Variants in UGT1A10 observed in about 807,000 individuals in gnomAD.
UGT1A10 encodes the protein UDP-glucuronosyltransferase 1A10.
In UGT1A10, 49 loss-of-function variants were observed where a neutral mutation model predicts 45.8. The ratio of observed to expected loss-of-function variants is 1.07; its 90% CI spans 0.85 to 1.36. The LOEUF (loss-of-function observed/expected upper bound fraction) is 1.36. Among genes scored for constraint, UGT1A10 ranks in the 40% most tolerant of loss-of-function variants. UGT1A10 has a pLI of 0.00. For synonymous variants in UGT1A10, 284 were observed against 249.7 expected (o/e 1.14, Z -1.29); for missense variants, 745 against 668.6 (o/e 1.11, Z -1.26).
At chr2:233,730,895 C>G (rs909746979) in intron 1 of UGT1A10, among the ~76,000 whole-genome samples, 5 of 152,098 alleles carry the variant, frequency 3.3e-5, no homozygotes, top group African/African-American at 1.2e-4. Flanking sequence ...GGGATCTACT[C>G]CTTTACCAAA....
At chr2:233,637,971 T>C (rs2073346009) in intron 1 of UGT1A10, among the ~76,000 whole-genome samples, 1 of 152,082 alleles carries the variant, frequency 6.6e-6, no homozygotes, top group South Asian at 2.1e-4. Context: ...TTAATATTGA[T>C]ATATATATAG....
At chr2:233,676,936 T>C (rs1162328474) in intron 1 of UGT1A10, among the ~76,000 whole-genome samples, 1 of 152,248 alleles carries the variant, frequency 6.6e-6, no homozygotes, top group African/African-American at 2.4e-5. Flanking sequence ...TTGATCTATT[T>C]GTGAAATATT....
chr2:233,698,753 A>G (rs887164106), intron 1 of UGT1A10, among the ~76,000 whole-genome samples: 4 of 152,244 alleles, frequency 2.6e-5, no homozygotes, highest in African/African-American at 7.2e-5. Context: ...ACATAATGCT[A>G]TGATTCAGAA....
chr2:233,677,055 T>TA (rs1479712417), intron 1 of UGT1A10, among the ~76,000 whole-genome samples: 2 of 152,334 alleles, frequency 1.3e-5, no homozygotes, highest in South Asian at 4.1e-4. Flanking sequence ...ATATGCATTT[T>TA]AAAATAAGTT....
intron 1 of UGT1A10, among the ~76,000 whole-genome samples, chr2:233,653,624 T>A (rs2073789285): frequency 6.6e-6 from 1 of 152,120 alleles, no homozygotes; most frequent in African/African-American, 2.4e-5. Context: ...TGAGACAGAG[T>A]CTCGCTGTGT....
At chr2:233,673,888 T>C (rs894108920) in intron 1 of UGT1A10, among the ~76,000 whole-genome samples, 2 of 152,234 alleles carry the variant, frequency 1.3e-5, no homozygotes, top group African/African-American at 4.8e-5. Context: ...CTGATATTTA[T>C]ACCACTTATT....
chr2:233,693,220 C>T (rs781113205), intron 1 of UGT1A10: 1 of 1,614,172 alleles, frequency 6.2e-7, no homozygotes, highest in South Asian at 1.1e-5. Flanking sequence ...AATCCAAATA[C>T]TACACAAGAA....
intron 2 of UGT1A10, 51 bp from the exon 3 acceptor site, chr2:233,767,798 C>G (rs1319499928): frequency 6.2e-7 from 1 of 1,614,062 alleles, no homozygotes; most frequent in Admixed American, 1.7e-5. Context: ...GATTTGTTTT[C>G]TAATCATATT....
At chr2:233,697,299 A>G (rs570191835) in intron 1 of UGT1A10, among the ~76,000 whole-genome samples, 2 of 152,014 alleles carry the variant, frequency 1.3e-5, no homozygotes, top group African/African-American at 4.8e-5. Flanking sequence ...TCTTCATTCA[A>G]TCTTGGTAGA....
At chr2:233,654,886 G>A (rs1046910876) in intron 1 of UGT1A10, among the ~76,000 whole-genome samples, 1 of 152,202 alleles carries the variant, frequency 6.6e-6, no homozygotes, top group African/African-American at 2.4e-5. Context: ...GAGGTCAGGA[G>A]TTCGAGATCA....
intron 1 of UGT1A10, among the ~76,000 whole-genome samples, chr2:233,728,457 A>G (rs1261555975): frequency 6.6e-6 from 1 of 152,148 alleles, no homozygotes; most frequent in African/African-American, 2.4e-5. Context: ...TCCTCAACAA[A>G]GTCTTCCCAA....
In UGT1A10 at chr2:233,719,593, G is replaced by A. The variant is rs760663829; in HGVS notation, c.856-47441G>A. 68 of 1,613,802 alleles carry A rather than the reference G, an allele frequency of 4.2e-5. No homozygotes were observed. The South Asian group carries it at 4.3e-4, about 10-fold the overall frequency. On this transcript the variant is annotated intron_variant, in intron 1 of 4. Coordinates refer to ENST00000344644, the MANE Select transcript of UGT1A10 (RefSeq NM_019075.4). ...AGCTATGCATCCGTGTGGCTGTTCC[G>A]AGGGGACTTTGTGATGGACTACCCC...
At chr2:233,675,855 T>A (rs1276597881) in intron 1 of UGT1A10, among the ~76,000 whole-genome samples, 1 of 152,128 alleles carries the variant, frequency 6.6e-6, no homozygotes, top group Non-Finnish European at 1.5e-5. Flanking sequence ...ATATAAAAAA[T>A]AAGAAAAATT....
At chr2:233,714,940 G>A (rs1254793883) in intron 1 of UGT1A10, among the ~76,000 whole-genome samples, 1 of 152,148 alleles carries the variant, frequency 6.6e-6, no homozygotes, top group Admixed American at 6.5e-5. Flanking sequence ...GCAGTGGTGG[G>A]ATCTTGGCTC....
At chr2:233,715,490 T>TG (rs1472683316) in intron 1 of UGT1A10, among the ~76,000 whole-genome samples, 1 of 152,172 alleles carries the variant, frequency 6.6e-6, no homozygotes, top group African/African-American at 2.4e-5. Flanking sequence ...AAATGATTTG[T>TG]GTGCAAGTGG....
At chr2:233,677,765 T>C (rs2074399039) in intron 1 of UGT1A10, among the ~76,000 whole-genome samples, 1 of 151,994 alleles carries the variant, frequency 6.6e-6, no homozygotes, top group African/African-American at 2.4e-5. Flanking sequence ...GGGAAGTAGT[T>C]TGGAGATTTT....
chr2:233,709,152 T>G (rs78253521), intron 1 of UGT1A10, among the ~76,000 whole-genome samples: 3,273 of 152,190 alleles, frequency 0.022, 115 homozygotes, highest in African/African-American at 0.075. Context: ...TGCTGATTGG[T>G]TGAGGCCTAG....
chr2:233,672,102 T>G lies in UGT1A10; in HGVS notation c.855+34725T>G, dbSNP rs762092554. The stretch of plus-strand genomic sequence containing the variant: ...TCATTCTCAGGGGGCATGAGGTGGT[T>G]GTAGTCATGCCAGAGGTGAGTTGGC... On this transcript the variant is annotated intron_variant, in intron 1 of 4. Coordinates refer to ENST00000344644, the MANE Select transcript of UGT1A10 (RefSeq NM_019075.4). 16 of 1,614,022 alleles carry G rather than the reference T, an allele frequency of 9.9e-6. No homozygotes were observed. The African/African-American group carries it at 1.1e-4, about 11-fold the overall frequency.
At chr2:233,703,162 A>G (rs886664238) in intron 1 of UGT1A10, among the ~76,000 whole-genome samples, 3 of 152,012 alleles carry the variant, frequency 2.0e-5, no homozygotes, top group African/African-American at 7.3e-5. Flanking sequence ...TTTCTTCTTG[A>G]TTCAATTTCA....
Sources: allele counts gnomAD v4.1 joint callset (sites outside exome capture counted in the v4.1 genomes callset), GRCh38; gene constraint gnomAD v4.1.1; transcripts MANE v1.5; gene names NCBI Gene and HGNC (gene_info 2026-07-23, HGNC 2026-07-21).